Variants in SESTD1 observed in about 807,000 individuals in gnomAD.
The protein encoded by SESTD1 is SEC14 domain and spectrin repeat-containing protein 1.
A neutral mutation model predicts 101.7 loss-of-function variants in SESTD1; 43 were observed. The ratio of observed to expected loss-of-function variants is 0.42; its 90% CI spans 0.33 to 0.55. The LOEUF (loss-of-function observed/expected upper bound fraction) is 0.55. Ranked by LOEUF, SESTD1 falls within the 20% of genes least tolerant of loss-of-function variation. SESTD1 has a pLI of 0.07. For missense variants in SESTD1, 647 were observed against 815.1 expected (o/e 0.79, Z 2.51); for synonymous variants, 283 against 286.8 (o/e 0.99, Z 0.13).
intron 3 of SESTD1, among the ~76,000 whole-genome samples, chr2:179,181,976 C>T (rs1175259662): frequency 5.5e-5 from 7 of 126,288 alleles, no homozygotes; most frequent in Non-Finnish European, 9.8e-5. Context: ...ATGAAGACCG[C>T]TGTTTCCACA....
In SESTD1 at chr2:179,103,481, T is replaced by A. The variant is rs535901244; in HGVS notation, c.*6418A>T. The A allele has an allele frequency of 4.6e-5, 7 of 152,158 alleles. No individual in the cohort carries two copies. In the South Asian group the frequency reaches 1.2e-3, roughly 27 times the overall value. The allele number at this position is 152,158 out of a possible 1,614,324, so 9.4% of individuals were successfully genotyped here. On this transcript the variant is annotated 3_prime_UTR_variant, in exon 18 of 18. Coordinates refer to ENST00000428443, the MANE Select transcript of SESTD1 (RefSeq NM_178123.5). ...AAACCTATGTTCACAAAGACTTACG[T>A]AAGAATGGTCATAGCAGCTTTATTT... is the stretch of plus-strand genomic sequence containing the variant.
chr2:179,177,558 G>C (rs1225983279), intron 3 of SESTD1, among the ~76,000 whole-genome samples: 1 of 152,128 alleles, frequency 6.6e-6, no homozygotes, highest in Non-Finnish European at 1.5e-5. Context: ...TTCCAAGAAG[G>C]CTCTTGGAGA....
intron 1 of SESTD1, among the ~76,000 whole-genome samples, chr2:179,261,270 T>C (rs1181706179): frequency 6.6e-6 from 1 of 152,190 alleles, no homozygotes; most frequent in Non-Finnish European, 1.5e-5. Flanking sequence ...TATTGTTTGG[T>C]TTGATTTTTT....
At chr2:179,181,765 T>C (rs2046116402) in intron 3 of SESTD1, among the ~76,000 whole-genome samples, 1 of 152,144 alleles carries the variant, frequency 6.6e-6, no homozygotes. Flanking sequence ...ATTTTTTTCA[T>C]AATTTGTAAG....
At chr2:179,203,284 G>A (rs1434632409) in intron 1 of SESTD1, among the ~76,000 whole-genome samples, 3 of 134,122 alleles carry the variant, frequency 2.2e-5, no homozygotes, top group East Asian at 2.0e-4. Context: ...TTATACTTTC[G>A]CTAATAAATC....
At chr2:179,157,573 A>G (rs2045655675) in intron 5 of SESTD1, among the ~76,000 whole-genome samples, 2 of 152,174 alleles carry the variant, frequency 1.3e-5, no homozygotes, top group Admixed American at 1.3e-4. Context: ...AAATCACAGG[A>G]TGAGTTATTT....
At position 179,176,608 on chromosome 2, in the gene SESTD1, G is replaced by T. The variant is rs1266139502; in HGVS notation, c.165-70C>A. 20 of 1,314,720 alleles carry T rather than the reference G, an allele frequency of 1.5e-5. 1 individual carries two copies. The highest frequency in any genetic ancestry group is 2.1e-5 in the Non-Finnish European group (20 of 934,600). 81.4% of individuals were successfully genotyped at this position (1,314,720 alleles called of 1,614,324 possible). On this transcript the variant is annotated intron_variant, in intron 3 of 17. Coordinates refer to ENST00000428443, the MANE Select transcript of SESTD1 (RefSeq NM_178123.5). ...TTCGTTCTTCATAATTCTAAATAAAGAAGGTTTAAAACTTAATCGCATATG... is the reference window on the plus strand; with the variant it reads ...TTCGTTCTTCATAATTCTAAATAAATAAGGTTTAAAACTTAATCGCATATG...
intron 1 of SESTD1, among the ~76,000 whole-genome samples, chr2:179,195,227 T>G (rs148911501): frequency 6.6e-6 from 1 of 152,334 alleles, no homozygotes; most frequent in Non-Finnish European, 1.5e-5. Context: ...TCTCCATATG[T>G]AGAGTGAGGG....
chr2:179,108,117 A>C lies in SESTD1; in HGVS notation c.*1782T>G, dbSNP rs2044425400. On this transcript the variant is annotated 3_prime_UTR_variant, in exon 18 of 18. Transcript: ENST00000428443. ...GGTTGAAATGTCAACTAGGCAATTA[A>C]AAAGAAGTACAAGTCTAGATTTCTG... The C allele has an allele frequency of 6.6e-6, 1 of 152,198 alleles. No homozygotes were observed. Among genetic ancestry groups the C allele is most frequent in the African/African-American group, 2.4e-5 (1 of 41,448 alleles). 9.4% of individuals were successfully genotyped at this position (152,198 alleles called of 1,614,324 possible). A position where few individuals can be genotyped will look rare whatever the true frequency, so the allele number is the denominator to read the frequency against.
Position 179,121,884 on chromosome 2 carries a change from T to C in SESTD1, c.1328A>G (p.Asp443Gly), listed in dbSNP as rs2044760339. Residue 443 changes from aspartate to glycine, a missense_variant, in exon 13 of 18, where the codon GAT becomes GGT. By Grantham distance (94) the Asp-to-Gly change is moderately conservative (BLOSUM62 -1). This residue lies in a region of SESTD1 where 476 missense variants were observed against 562.6 expected (regional missense o/e 0.85). Coordinates refer to ENST00000428443, the MANE Select transcript of SESTD1 (RefSeq NM_178123.5). ...GLREKGQGLL[D>G]QISNQASWAY... is the part of the protein sequence containing the mutation. ...CCAGGATGCCTGATTGGAGATCTGA[T>C]CCAGGAGACCTTGACCTTTTTCACG... 1 of 1,608,330 alleles carries C rather than the reference T, an allele frequency of 6.2e-7. No homozygotes were observed. The highest frequency in any genetic ancestry group is 8.5e-7 in the Non-Finnish European group (1 of 1,177,790).
At chr2:179,111,504 G>A (rs959480676) in intron 17 of SESTD1, among the ~76,000 whole-genome samples, 1 of 152,166 alleles carries the variant, frequency 6.6e-6, no homozygotes. Flanking sequence ...TAAGTGGCTT[G>A]CCCAAGGTGT....
intron 4 of SESTD1, chr2:179,174,280 G>A: frequency 2.7e-6 from 1 of 373,872 alleles, no homozygotes; most frequent in Non-Finnish European, 5.3e-6. Context: ...GAAACTGTTT[G>A]ACTAGAAGTA....
At chr2:179,123,634 G>A in intron 12 of SESTD1, 81 bp downstream of exon 12, 2 of 885,486 alleles carry the variant, frequency 2.3e-6, no homozygotes, top group Admixed American at 5.3e-5. Flanking sequence ...TTCAGTGTAA[G>A]TTGACTTAAT....
chr2:179,158,207 T>C (rs1463831870), intron 5 of SESTD1, among the ~76,000 whole-genome samples: 1 of 152,184 alleles, frequency 6.6e-6, no homozygotes, highest in Non-Finnish European at 1.5e-5. Flanking sequence ...TTCATTAAAT[T>C]ATCTATGATG....
intron 15 of SESTD1, 47 bp downstream of exon 15, chr2:179,116,621 T>TA (rs747046851): frequency 6.2e-7 from 1 of 1,613,686 alleles, no homozygotes; most frequent in Non-Finnish European, 8.5e-7. Context: ...TGCAGAAAGC[T>TA]ATTCAAACAC....
intron 1 of SESTD1, among the ~76,000 whole-genome samples, chr2:179,211,698 G>A (rs2105517790): frequency 7.4e-6 from 1 of 134,292 alleles, no homozygotes; most frequent in East Asian, 2.0e-4. Context: ...TGAAATAATG[G>A]CATTTACAGC....
In SESTD1 at chr2:179,154,263, AGAAAG is replaced by A. The variant is rs548720614; in HGVS notation, c.370-2877_370-2873del. ...GAAGGAAAGGAAGGGAAGGGAAAGAAGAAAGGGAAGGAAGGAAGGGAGGAAGGAAG... is the reference window on the plus strand; with the variant it reads ...GAAGGAAAGGAAGGGAAGGGAAAGAAGGAAGGAAGGAAGGGAGGAAGGAAG... On this transcript the variant is annotated intron_variant, in intron 5 of 17. Transcript: ENST00000428443. 1.3e-3 allele frequency among the ~76,000 whole-genome samples: 183 copies of A among 141,394 alleles called. 2 individuals carry two copies. The highest frequency in any genetic ancestry group is 1.5e-3 in the Non-Finnish European group (96 of 64,482). The allele number at this position is 141,394 out of a possible 152,430, so 92.8% of individuals were successfully genotyped here. A position where few individuals can be genotyped will look rare whatever the true frequency, so the allele number is the denominator to read the frequency against.
chr2:179,185,279 G>C (rs2046191519), intron 2 of SESTD1, among the ~76,000 whole-genome samples: 1 of 149,428 alleles, frequency 6.7e-6, no homozygotes, highest in South Asian at 2.1e-4. Flanking sequence ...CTATGAATAA[G>C]AATATTTACA....
chr2:179,111,045 A>G (rs995384001), intron 17 of SESTD1, among the ~76,000 whole-genome samples: 7 of 152,182 alleles, frequency 4.6e-5, no homozygotes, highest in African/African-American at 1.7e-4. Context: ...CTAGGCTGAC[A>G]TGGGTAGAAC....
Sources: gnomAD v4.1 joint callset for allele counts (sites outside exome capture counted in the v4.1 genomes callset) on GRCh38, gnomAD v4.1.1 for gene constraint, gnomAD v4.1.1 regional missense constraint, MANE v1.5 for transcripts, NCBI Gene and HGNC (gene_info 2026-07-23, HGNC 2026-07-21) for gene names.